Variants in FAM120C observed in about 807,000 individuals in gnomAD.
The protein encoded by FAM120C is family with sequence similarity 120 member C.
A neutral mutation model predicts 71.2 loss-of-function variants in FAM120C; 14 were observed. The observed-to-expected ratio is 0.20, with a 90% CI of 0.13 to 0.31. The LOEUF (loss-of-function observed/expected upper bound fraction) is 0.31. Among genes scored for constraint, FAM120C ranks in the 10% least tolerant of loss-of-function variants. The probability of loss-of-function intolerance (pLI) is 1.00; values close to 1 mark genes in which losing one functional copy is unlikely to be tolerated. For missense variants in FAM120C, 500 were observed against 879.0 expected, an observed-to-expected ratio of 0.57 and a Z score of 5.45; for synonymous variants, 354 against 353.2, an observed-to-expected ratio of 1.00 and a Z score of -0.03.
chrX:54,183,252 T>C lies in FAM120C; in HGVS notation c.-54A>G. ...GCTGCGCAAGCAGGATAGGCGACGA[T>C]CTGGGCGCGAAGCTGGGGGCGGGCG... is the stretch of plus-strand genomic sequence containing the variant. On this transcript the variant is annotated 5_prime_UTR_variant, in exon 1 of 16. Transcript: ENST00000375180. 7 of 840,583 alleles carry C rather than the reference T, an allele frequency of 8.3e-6. No individual in the cohort carries two copies. The highest frequency in any genetic ancestry group is 1.0e-5 in the Non-Finnish European group (7 of 675,590). 69.3% of individuals were successfully genotyped at this position (840,583 alleles called of 1,213,427 possible). A position where few individuals can be genotyped will look rare whatever the true frequency, so the allele number is the denominator to read the frequency against.
chrX:54,114,099 G>T (rs1319140510), intron 10 of FAM120C, among the ~76,000 whole-genome samples: 11 of 109,916 alleles, frequency 1.0e-4, no homozygotes, highest in Admixed American at 9.8e-4. Context: ...CCATAAAAAA[G>T]AATGAAATCA....
intron 6 of FAM120C, 109 bp from the exon 7 acceptor site, chrX:54,135,220 G>A: frequency 1.3e-6 from 1 of 752,841 alleles, no homozygotes; most frequent in Non-Finnish European, 1.9e-6. Context: ...AGATTGTTGA[G>A]ATACAAAGCA....
At chrX:54,178,679 T>C (rs991533248) in intron 1 of FAM120C, among the ~76,000 whole-genome samples, 6 of 111,836 alleles carry the variant, frequency 5.4e-5, no homozygotes, top group African/African-American at 1.9e-4. Flanking sequence ...TTCCAACGAC[T>C]AGAGCATCTA....
intron 9 of FAM120C, among the ~76,000 whole-genome samples, chrX:54,130,276 A>AG (rs2067059561): frequency 9.0e-6 from 1 of 111,594 alleles, no homozygotes; most frequent in African/African-American, 3.3e-5. Context: ...CCCATTCTGT[A>AG]GGCTATTTAC....
At chrX:54,128,471 G>A (rs1478466202) in intron 9 of FAM120C, among the ~76,000 whole-genome samples, 3 of 109,151 alleles carry the variant, frequency 2.7e-5, no homozygotes, top group African/African-American at 9.9e-5. Context: ...CTTGTCCTTT[G>A]CCTACTTTTT....
At chrX:54,155,388 G>C (rs1557133571) in intron 3 of FAM120C, among the ~76,000 whole-genome samples, 8 of 111,603 alleles carry the variant, frequency 7.2e-5, no homozygotes, top group Admixed American at 3.8e-4. Flanking sequence ...AAGGCCAAGT[G>C]AAAAAAGTGT....
chrX:54,147,099 T>C (rs899248552), intron 4 of FAM120C, among the ~76,000 whole-genome samples: 1 of 109,989 alleles, frequency 9.1e-6, no homozygotes, highest in East Asian at 2.8e-4. Context: ...ACGGATCACC[T>C]GAGGTCAGGA....
intron 11 of FAM120C, 72 bp downstream of exon 11, chrX:54,091,240 A>G (rs2066822561): frequency 8.6e-6 from 4 of 463,365 alleles, no homozygotes; most frequent in Non-Finnish European, 1.3e-5. Context: ...CAGCTTCAGG[A>G]AAAAAAAAAG....
rs781855938 is a variant in FAM120C, at chrX:54,081,285, A to AG, written c.2978+36dup. The AG allele has an allele frequency of 5.1e-6, 6 of 1,168,206 alleles. No individual in the cohort carries two copies. In the South Asian group the frequency reaches 7.8e-5, roughly 15 times the overall value. On this transcript the variant is annotated intron_variant, in intron 14 of 15. Coordinates refer to ENST00000375180, the MANE Select transcript of FAM120C (RefSeq NM_017848.6). ...CCAAGGAGGCCTAGGCATTTTCCCA[A>AG]GGGGACTAGCTCATATCAACCTATT...
At position 54,182,683 on chromosome X, in the gene FAM120C, C is replaced by T; in HGVS notation, c.516G>A (p.Pro172=). 1 of 1,209,792 alleles carries T rather than the reference C, an allele frequency of 8.3e-7. No homozygotes were observed. The highest frequency in any genetic ancestry group is 1.8e-5 in the South Asian group (1 of 56,653). Residue 172 remains proline (P), a synonymous_variant, in exon 1 of 16, where the codon CCG becomes CCA. Transcript: ENST00000375180. ...CCAGCCGGTCCTTGCCCAGGCCCCC[C>T]GGGAACATGACCACGAGCTCCAGGC... The part of the protein sequence containing the change: ...GDGLELVVMF[P]GGLGKDRLAE...
chrX:54,081,949 G>A (rs1004894816), intron 13 of FAM120C, among the ~76,000 whole-genome samples: 5 of 109,827 alleles, frequency 4.6e-5, no homozygotes, highest in Admixed American at 3.0e-4. Flanking sequence ...TTGGGAGGCC[G>A]AGGCGGGTGG....
intron 4 of FAM120C, among the ~76,000 whole-genome samples, chrX:54,144,577 A>G (rs2067144588): frequency 9.0e-6 from 1 of 111,428 alleles, no homozygotes; most frequent in South Asian, 3.7e-4. Context: ...TGCTTCAAAG[A>G]GAATAAAATA....
chrX:54,169,855 G>C (rs1557135710), intron 1 of FAM120C, among the ~76,000 whole-genome samples: 3 of 111,996 alleles, frequency 2.7e-5, no homozygotes, highest in Non-Finnish European at 5.6e-5. Context: ...CTACATTGTG[G>C]AGTTCACCAA....
intron 12 of FAM120C, 85 bp downstream of exon 12, chrX:54,087,670 C>T (rs1022178374): frequency 8.7e-6 from 8 of 919,091 alleles, no homozygotes; most frequent in African/African-American, 7.6e-5. Context: ...CATCCCTCTC[C>T]ACTATCTCTG....
intron 3 of FAM120C, 68 bp from the exon 4 acceptor site, chrX:54,151,441 G>A (rs1711865377): frequency 8.4e-6 from 9 of 1,070,177 alleles, no homozygotes; most frequent in Non-Finnish European, 1.1e-5. Context: ...GAGTGAAGTT[G>A]AGGGGAGATA....
At chrX:54,168,732 G>A (rs1479471272) in intron 1 of FAM120C, among the ~76,000 whole-genome samples, 3 of 111,685 alleles carry the variant, frequency 2.7e-5, no homozygotes, top group Non-Finnish European at 3.8e-5. Context: ...TCTAGGTATG[G>A]AGACACAGCA....
chrX:54,109,802 G>A (rs1364172965), intron 10 of FAM120C, among the ~76,000 whole-genome samples: 1 of 104,415 alleles, frequency 9.6e-6, no homozygotes, highest in Non-Finnish European at 2.0e-5. Context: ...GGGTGACAGA[G>A]CGAGACTCCG....
intron 10 of FAM120C, among the ~76,000 whole-genome samples, chrX:54,099,887 TAC>T (rs1247617101): frequency 8.9e-6 from 1 of 112,459 alleles, no homozygotes; most frequent in Non-Finnish European, 1.9e-5. Flanking sequence ...TTTGAAACTG[TAC>T]AGTGTTTGTT....
At chrX:54,161,612 G>C (rs782246274) in intron 1 of FAM120C, among the ~76,000 whole-genome samples, 47 of 112,041 alleles carry the variant, frequency 4.2e-4, no homozygotes, top group Non-Finnish European at 6.8e-4. Context: ...CTTCACCTCA[G>C]ATCTGCTGGA....
Sources: gnomAD v4.1 joint callset for allele counts (sites outside exome capture counted in the v4.1 genomes callset) on GRCh38, gnomAD v4.1.1 for gene constraint, MANE v1.5 for transcripts, NCBI Gene and HGNC (gene_info 2026-07-23, HGNC 2026-07-21) for gene names.